RECQL: variants seen among roughly 807,000 people sequenced by gnomAD.
The protein encoded by RECQL is ATP-dependent DNA helicase Q1.
RECQL carries 73 observed loss-of-function variants against 75.8 expected under a neutral mutation model. The ratio of observed to expected loss-of-function variants is 0.96; its 90% CI spans 0.80 to 1.17. The LOEUF (loss-of-function observed/expected upper bound fraction) is 1.17. Ranked by LOEUF, RECQL falls within the 50% of genes most tolerant of loss-of-function variation. RECQL has a pLI of 0.00. For missense variants in RECQL, 699 were observed against 772.1 expected, an observed-to-expected ratio of 0.91 and a Z score of 1.12; for synonymous variants, 248 against 254.4, an observed-to-expected ratio of 0.97 and a Z score of 0.24.
chr12:21,470,534 G>A (rs3983527), intron 14 of RECQL, 188 bp from the exon 15 acceptor site: 2 of 959,584 alleles, frequency 2.1e-6, no homozygotes, highest in Admixed American at 3.7e-5. Flanking sequence ...AAGGGGCTAC[G>A]TTGTGAGAGA....
At chr12:21,473,242 C>T (rs895106043) in intron 12 of RECQL, among the ~76,000 whole-genome samples, 2 of 152,162 alleles carry the variant, frequency 1.3e-5, no homozygotes, top group Admixed American at 6.6e-5. Flanking sequence ...GACGGAGTCT[C>T]GCTGTCACCC....
chr12:21,491,705 C>T lies in RECQL; in HGVS notation c.28G>A (p.Glu10Lys), dbSNP rs746814364. 2 of 1,611,562 alleles carry T rather than the reference C, an allele frequency of 1.2e-6. No individual in the cohort carries two copies. The highest frequency in any genetic ancestry group is 1.1e-5 in the South Asian group (1 of 90,536). MASVSALTE[E>K]LDSITSELHA... ...AGCTCACTGGTTATAGAATCCAGTT[C>T]CTCAGTTAGAGCTATGGGAGGCAGC... Residue 10 changes from glutamate (E) to lysine (K), a missense_variant, in exon 3 of 15, where the codon GAA (glutamate) becomes AAA (lysine). Around this residue, in one of 2 missense-constraint regions of RECQL, gnomAD observed 669 missense variants for 713.5 expected, o/e 0.94. Coordinates refer to ENST00000444129, the MANE Select transcript of RECQL (RefSeq NM_002907.4).
chr12:21,470,470 G>T (rs1942920105), intron 14 of RECQL, 124 bp from the exon 15 acceptor site: 5 of 1,066,426 alleles, frequency 4.7e-6, no homozygotes, highest in East Asian at 2.8e-5. Context: ...GTATACAGGG[G>T]TCTAGTTTTT....
intron 11 of RECQL, among the ~76,000 whole-genome samples, chr12:21,474,338 T>C (rs1465143480): frequency 6.6e-6 from 1 of 152,038 alleles, no homozygotes; most frequent in African/African-American, 2.4e-5. Context: ...GCACTTCTTA[T>C]GTGATAGGCA....
chr12:21,489,331 T>C (rs1014400767), intron 4 of RECQL, among the ~76,000 whole-genome samples: 5 of 152,194 alleles, frequency 3.3e-5, no homozygotes, highest in Non-Finnish European at 5.9e-5. Flanking sequence ...CAAGCCTATA[T>C]TATTTACTAT....
At chr12:21,470,701 G>C in intron 14 of RECQL, 1 of 318,268 alleles carries the variant, frequency 3.1e-6, no homozygotes, top group Non-Finnish European at 5.6e-6. Flanking sequence ...AATAAGAGCA[G>C]AGTGCATAAC....
intron 2 of RECQL, among the ~76,000 whole-genome samples, chr12:21,494,655 G>A (rs983120647): frequency 8.5e-5 from 13 of 152,232 alleles, no homozygotes; most frequent in South Asian, 2.1e-4. Flanking sequence ...AGAGAGAGCA[G>A]TGCCAGAGTG....
chr12:21,499,500 C>G (rs1168594747), intron 2 of RECQL, 55 bp downstream of exon 2: 1 of 1,434,012 alleles, frequency 7.0e-7, no homozygotes, highest in Non-Finnish European at 9.5e-7. Context: ...TTTCAAATAT[C>G]ATACAAACAG....
At position 21,469,144 on chromosome 12, in the gene RECQL, A is replaced by G. The variant is rs1302477090; in HGVS notation, c.*1050T>C. ...ATATGGCTATGGTTTCAGGAACTTT[A>G]AAATCGGTTGTATTTTACTTTAAAT... is the stretch of plus-strand genomic sequence containing the variant. On this transcript the variant is annotated 3_prime_UTR_variant, in exon 15 of 15. Transcript: ENST00000444129. 6.1e-6 allele frequency: 1 copy of G among 164,694 alleles called. No homozygotes were observed. The highest frequency in any genetic ancestry group is 2.4e-5 in the African/African-American group (1 of 41,496). 10.2% of individuals were successfully genotyped at this position (164,694 alleles called of 1,614,324 possible).
Position 21,483,503 on chromosome 12 carries a change from T to C in RECQL, c.573A>G (p.Pro191=), listed in dbSNP as rs1943231931. The part of the protein sequence containing the change: ...NSELKLIYVT[P]EKIAKSKMFM... ...ACATTTTGCTTTTTGCAATTTTCTC[T>C]GGAGTCACATAAATCAGCTTTAACT... The change falls in exon 6 of 15, where the codon CCA becomes CCG. Residue 191 remains proline, a synonymous_variant. Transcript: ENST00000444129. 6.3e-7 allele frequency: 1 copy of C among 1,588,768 alleles called. No individual in the cohort carries two copies. The highest frequency in any genetic ancestry group is 8.5e-7 in the Non-Finnish European group (1 of 1,173,196).
Position 21,501,574 on chromosome 12 carries a change from C to T in RECQL, c.-450G>A. On this transcript the variant is annotated 5_prime_UTR_variant, in exon 1 of 15. Coordinates refer to ENST00000444129, the MANE Select transcript of RECQL (RefSeq NM_002907.4). ...CTCCGACACCAAAGCACCCAGGCCT[C>T]GAGCAGATCTTTCCGCTACTCGGGA... is the stretch of plus-strand genomic sequence containing the variant. 1 of 301,534 alleles carries T rather than the reference C, an allele frequency of 3.3e-6. No homozygotes were observed. Among genetic ancestry groups the T allele is most frequent in the Non-Finnish European group, 6.4e-6 (1 of 157,448 alleles). 18.7% of individuals were successfully genotyped at this position (301,534 alleles called of 1,614,324 possible).
Position 21,470,978 on chromosome 12 carries a change from G to A in RECQL, c.1788C>T (p.Asn596=), listed in dbSNP as rs1459923654. The A allele has an allele frequency of 8.4e-6, 13 of 1,545,494 alleles. No homozygotes were observed. The highest frequency in any genetic ancestry group is 1.1e-5 in the Non-Finnish European group (13 of 1,152,882). ...ATTAATAGCCATTTACCCTGAAAGA[G>A]TTCTGCGTGGACTTTGTCACTTGCA... ...ITMQVTKSTQ[N]SFRAESSQTC... Residue 596 remains asparagine (N), a synonymous_variant, in exon 14 of 15, where the codon AAC becomes AAT. Transcript: ENST00000444129.
chr12:21,494,404 G>A (rs1191425683), intron 2 of RECQL, among the ~76,000 whole-genome samples: 3 of 152,182 alleles, frequency 2.0e-5, no homozygotes, highest in South Asian at 4.1e-4. Flanking sequence ...CAGGGTTTAT[G>A]GAATACAATG....
intron 2 of RECQL, among the ~76,000 whole-genome samples, chr12:21,496,505 T>C (rs1288419219): frequency 6.6e-6 from 1 of 152,340 alleles, no homozygotes; most frequent in East Asian, 1.9e-4. Flanking sequence ...TCCCTTTTCA[T>C]TCCACCAGAC....
chr12:21,499,038 A>G (rs1943557649), intron 2 of RECQL, among the ~76,000 whole-genome samples: 1 of 152,238 alleles, frequency 6.6e-6, no homozygotes. Flanking sequence ...CCAAAGACGA[A>G]TAAAGATAAT....
rs778256014 is a variant in RECQL, at chr12:21,477,983, C to G, written c.701-14G>C. 1.3e-5 allele frequency: 20 copies of G among 1,588,428 alleles called. No homozygotes were observed. The Middle Eastern group carries it at 5.0e-4, about 40-fold the overall frequency. ...GTGCCTTATAATCTGAAAAAACAAA[C>G]AAAGTGGCCCTTTTTCTATCCTTTA... is the stretch of plus-strand genomic sequence containing the variant. On this transcript the variant is annotated splice_polypyrimidine_tract_variant and intron_variant, in intron 6 of 14. Coordinates refer to ENST00000444129, the MANE Select transcript of RECQL (RefSeq NM_002907.4).
At chr12:21,495,238 G>A (rs1343325667) in intron 2 of RECQL, among the ~76,000 whole-genome samples, 2 of 152,192 alleles carry the variant, frequency 1.3e-5, no homozygotes, top group Non-Finnish European at 2.9e-5. Flanking sequence ...AGCTAAAAAT[G>A]TATGTAATGA....
At position 21,471,550 on chromosome 12, in the gene RECQL, C is replaced by T. The variant is rs761081149; in HGVS notation, c.1545G>A (p.Leu515=). Residue 515 remains leucine, a synonymous_variant, in exon 13 of 15, where the codon CTG becomes CTA. Coordinates refer to ENST00000444129, the MANE Select transcript of RECQL (RefSeq NM_002907.4). ...CACCCTTTCCCATCCAAGAATCAAT[C>T]AGTTTCAATGGAGTGAGTTTTTCAT... is the stretch of plus-strand genomic sequence containing the variant. ...ELNEKLTPLK[L]IDSWMGKGAA... 6.2e-7 allele frequency: 1 copy of T among 1,612,510 alleles called. No individual in the cohort carries two copies. The highest frequency in any genetic ancestry group is 1.1e-5 in the South Asian group (1 of 90,840).
chr12:21,480,598 T>TCTG (rs1168555101), intron 6 of RECQL, among the ~76,000 whole-genome samples: 2 of 152,144 alleles, frequency 1.3e-5, no homozygotes, highest in East Asian at 3.8e-4. Context: ...ACACTACGCA[T>TCTG]CAGCTTTGCC....
Sources: gnomAD v4.1 joint callset for allele counts (sites outside exome capture counted in the v4.1 genomes callset) on GRCh38, gnomAD v4.1.1 for gene constraint, gnomAD v4.1.1 regional missense constraint, MANE v1.5 for transcripts, NCBI Gene and HGNC (gene_info 2026-07-23, HGNC 2026-07-21) for gene names.